Variants in ADAM23 observed in about 807,000 individuals in gnomAD.
ADAM23 encodes disintegrin and metalloproteinase domain-containing protein 23.
ADAM23 carries 33 observed loss-of-function variants against 120.1 expected under a neutral mutation model. The ratio of observed to expected loss-of-function variants is 0.27; its 90% CI spans 0.21 to 0.37. ADAM23 has a LOEUF of 0.37. Among genes scored for constraint, ADAM23 ranks in the 10% least tolerant of loss-of-function variants. ADAM23 has a pLI of 1.00. For missense variants in ADAM23, 862 were observed against 1,058.2 expected (o/e 0.81, Z 2.57); for synonymous variants, 367 against 375.2 (o/e 0.98, Z 0.25).
intron 24 of ADAM23, chr2:206,608,019 A>G (rs1276876988): frequency 2.4e-6 from 1 of 422,446 alleles, no homozygotes; most frequent in Non-Finnish European, 4.7e-6. Flanking sequence ...GTACATGGTT[A>G]TATATTTTTT....
intron 3 of ADAM23, among the ~76,000 whole-genome samples, chr2:206,520,744 A>C (rs1456044787): frequency 6.6e-6 from 1 of 152,012 alleles, no homozygotes; most frequent in Non-Finnish European, 1.5e-5. Context: ...CCAGGTCCTG[A>C]AGTCTTTGCA....
In ADAM23 at chr2:206,589,514, A is replaced by G. The variant is rs138956108; in HGVS notation, c.1958A>G (p.His653Arg). 25 of 1,612,944 alleles carry G rather than the reference A, an allele frequency of 1.5e-5. No homozygotes were observed. The African/African-American group carries it at 3.1e-4, about 20-fold the overall frequency. ...DGDRWIQCSK[H>R]DVFCGFLLCT... The stretch of plus-strand genomic sequence containing the variant: ...GACCGGTGGATTCAGTGCAGCAAAC[A>G]GTGAGTGGTCAGCTCTAAGGGCATA... Residue 653 changes from histidine to arginine, a missense_variant and splice_region_variant, in exon 21 of 26, where the codon CAT becomes CGT. Around this residue, in one of 4 missense-constraint regions of ADAM23, gnomAD observed 617 missense variants for 813.5 expected, o/e 0.76. Coordinates refer to ENST00000264377, the MANE Select transcript of ADAM23 (RefSeq NM_003812.4).
intron 9 of ADAM23, among the ~76,000 whole-genome samples, chr2:206,554,750 T>C (rs1007078449): frequency 3.9e-5 from 6 of 152,134 alleles, no homozygotes; most frequent in African/African-American, 1.2e-4. Context: ...ACCCACCTCA[T>C]AGAGTTGTGA....
intron 18 of ADAM23, among the ~76,000 whole-genome samples, chr2:206,578,440 A>G (rs1381787825): frequency 2.0e-5 from 3 of 151,962 alleles, no homozygotes; most frequent in Non-Finnish European, 4.4e-5. Flanking sequence ...CAGCGAGAAC[A>G]TATGATGCTT....
intron 3 of ADAM23, among the ~76,000 whole-genome samples, chr2:206,523,132 C>T (rs1696878102): frequency 6.6e-6 from 1 of 152,140 alleles, no homozygotes; most frequent in Non-Finnish European, 1.5e-5. Context: ...TGTTTCTCCA[C>T]TCTACAATTA....
Position 206,444,043 on chromosome 2 carries a change from G to A in ADAM23, c.177G>A (p.Ser59=). The change falls in exon 1 of 26, where the codon TCG becomes TCA. Residue 59 remains serine (S), a synonymous_variant. Transcript: ENST00000264377. ...VLLLLPPLAA[S]SRPRAWGAAA... is the part of the protein sequence containing the mutation. ...TCCTGCTGCCTCCGCTCGCCGCCTCGTCCCGGCCCCGCGCCTGGGGGGCTG... is the reference window on the plus strand; with the variant it reads ...TCCTGCTGCCTCCGCTCGCCGCCTCATCCCGGCCCCGCGCCTGGGGGGCTG... 1 of 1,402,992 alleles carries A rather than the reference G, an allele frequency of 7.1e-7. No individual in the cohort carries two copies. Among genetic ancestry groups the A allele is most frequent in the Non-Finnish European group, 9.3e-7 (1 of 1,075,372 alleles). 86.9% of individuals were successfully genotyped at this position (1,402,992 alleles called of 1,614,324 possible).
At chr2:206,608,766 G>A (rs985555311) in intron 24 of ADAM23, among the ~76,000 whole-genome samples, 3 of 152,204 alleles carry the variant, frequency 2.0e-5, no homozygotes, top group African/African-American at 7.2e-5. Context: ...CATGCAATTT[G>A]TGTGCTGCCA....
rs1238554109 is a variant in ADAM23, at chr2:206,585,628, A to G, written c.1738-1697A>G. Among the ~76,000 whole-genome samples the G allele has an allele frequency of 3.9e-5, 6 of 152,206 alleles. 1 individual carries two copies. The highest frequency in any genetic ancestry group is 1.3e-4 in the Admixed American group (2 of 15,282). On this transcript the variant is annotated intron_variant, in intron 18 of 25. Coordinates refer to ENST00000264377, the MANE Select transcript of ADAM23 (RefSeq NM_003812.4). ...GTCGTATCTGGTTATTGAGTCATTC[A>G]TTTATTTTCTCTGTGAGCTCACAGT...
At position 206,620,479 on chromosome 2, in the gene ADAM23, G is replaced by T. The variant is rs965547609; in HGVS notation, c.*2852G>T. The stretch of plus-strand genomic sequence containing the variant: ...GTTATGTAGTTTCAAACTCTTTGCT[G>T]TATTTTGTTTTGCACCTGCCATTCA... On this transcript the variant is annotated 3_prime_UTR_variant, in exon 26 of 26. Transcript: ENST00000264377. 6.6e-6 allele frequency: 1 copy of T among 152,154 alleles called. No individual in the cohort carries two copies. The highest frequency in any genetic ancestry group is 1.5e-5 in the Non-Finnish European group (1 of 68,026). The allele number at this position is 152,154 out of a possible 1,614,324, so 9.4% of individuals were successfully genotyped here.
At chr2:206,470,112 C>T in intron 2 of ADAM23, among the ~76,000 whole-genome samples, 1 of 152,030 alleles carries the variant, frequency 6.6e-6, no homozygotes, top group East Asian at 1.9e-4. Context: ...CCTGGAAGGC[C>T]AGGGCTTCTG....
At chr2:206,549,762 G>A (rs941693761) in intron 8 of ADAM23, among the ~76,000 whole-genome samples, 2 of 151,848 alleles carry the variant, frequency 1.3e-5, no homozygotes, top group African/African-American at 2.4e-5. Context: ...GTGAAATTGA[G>A]ATTTATTTAT....
At chr2:206,444,275 C>T (rs1468849674) in intron 1 of ADAM23, among the ~76,000 whole-genome samples, 195 bp downstream of exon 1, 3 of 152,196 alleles carry the variant, frequency 2.0e-5, no homozygotes, top group Admixed American at 2.0e-4. Context: ...ATTTCTGTTG[C>T]ATTCGCGAAA....
At chr2:206,458,730 A>G (rs751571874) in intron 2 of ADAM23, among the ~76,000 whole-genome samples, 2 of 152,136 alleles carry the variant, frequency 1.3e-5, no homozygotes, top group Non-Finnish European at 2.9e-5. Context: ...CGTTCAGATG[A>G]TAATTTCCCC....
At chr2:206,561,325 T>G in intron 12 of ADAM23, 113 bp downstream of exon 12, 1 of 876,654 alleles carries the variant, frequency 1.1e-6, no homozygotes, top group Non-Finnish European at 1.9e-6. Context: ...AAATGTAGCA[T>G]GAGTGGCTTA....
intron 21 of ADAM23, among the ~76,000 whole-genome samples, chr2:206,591,598 G>T (rs895650877): frequency 2.0e-5 from 3 of 152,154 alleles, no homozygotes; most frequent in Non-Finnish European, 4.4e-5. Context: ...TAGGAACCAT[G>T]CTGCTATGAA....
At chr2:206,531,776 G>A (rs1697067461) in intron 4 of ADAM23, among the ~76,000 whole-genome samples, 1 of 152,164 alleles carries the variant, frequency 6.6e-6, no homozygotes, top group African/African-American at 2.4e-5. Flanking sequence ...CTGGATTTTT[G>A]TTTGTCTTTT....
chr2:206,522,908 G>A (rs1696872484), intron 3 of ADAM23, among the ~76,000 whole-genome samples: 1 of 151,968 alleles, frequency 6.6e-6, no homozygotes, highest in Non-Finnish European at 1.5e-5. Context: ...AACTTGGAGA[G>A]ACACTGGTAG....
intron 3 of ADAM23, among the ~76,000 whole-genome samples, chr2:206,525,192 CT>C (rs1559247871): frequency 6.6e-6 from 1 of 151,926 alleles, no homozygotes; most frequent in African/African-American, 2.4e-5. Context: ...TTCATCTAGA[CT>C]TTTTTTTACC....
chr2:206,467,527 A>G (rs1025882289), intron 2 of ADAM23, among the ~76,000 whole-genome samples: 1 of 152,222 alleles, frequency 6.6e-6, no homozygotes, highest in African/African-American at 2.4e-5. Context: ...GTGGCTCCCA[A>G]GGCCTTGGCA....
Sources: gnomAD v4.1 joint callset for allele counts (sites outside exome capture counted in the v4.1 genomes callset) on GRCh38, gnomAD v4.1.1 for gene constraint, gnomAD v4.1.1 regional missense constraint, MANE v1.5 for transcripts, NCBI Gene and HGNC (gene_info 2026-07-23, HGNC 2026-07-21) for gene names.